The following CRACR2A variants were observed in gnomAD, a reference collection of about 807,000 sequenced individuals.
The protein encoded by CRACR2A is calcium release activated channel regulator 2A.
In CRACR2A, 79 loss-of-function variants were observed where a neutral mutation model predicts 90.5. The observed-to-expected ratio is 0.87, with a 90% CI of 0.73 to 1.05. The LOEUF is 1.05. CRACR2A is among the 50% of genes least tolerant of loss of function. The pLI, the probability that CRACR2A is intolerant of heterozygous loss-of-function variation, is 0.00. For synonymous variants in CRACR2A, 338 were observed against 356.7 expected (o/e 0.95, Z 0.59); for missense variants, 823 against 897.2 (o/e 0.92, Z 1.06).
In CRACR2A at chr12:3,679,012, A is replaced by G; in HGVS notation, c.427T>C (p.Ser143Pro). ...AQRHEEKVYL[S>P]RGDEDLGDMG... ...TCGCCCAGATCCTCATCCCCTCTGG[A>G]CAGATACACCTTCTCTTCATGGCGC... The change falls in exon 6 of 20, where the codon TCC becomes CCC. Residue 143 changes from serine (S) to proline (P), a missense_variant. Transcript: ENST00000440314. 6.2e-7 allele frequency: 1 copy of G among 1,614,050 alleles called. No individual in the cohort carries two copies. The highest frequency in any genetic ancestry group is 8.5e-7 in the Non-Finnish European group (1 of 1,179,990).
chr12:3,637,973 G>C, intron 14 of CRACR2A, 151 bp downstream of exon 14: 2 of 740,398 alleles, frequency 2.7e-6, no homozygotes, highest in Middle Eastern at 4.0e-4. Context: ...AGCTAAGCAG[G>C]GGAAAGTGGT....
intron 1 of CRACR2A, among the ~76,000 whole-genome samples, chr12:3,742,914 C>T (rs538412589): frequency 2.0e-5 from 3 of 152,232 alleles, no homozygotes; most frequent in East Asian, 1.9e-4. Flanking sequence ...GCTCTCTCTG[C>T]GCTTGTGTCT....
intron 4 of CRACR2A, among the ~76,000 whole-genome samples, chr12:3,687,305 A>G (rs1945575950): frequency 6.6e-6 from 1 of 151,828 alleles, no homozygotes; most frequent in African/African-American, 2.4e-5. Flanking sequence ...TATTAAGACT[A>G]GTACCCATTA....
intron 14 of CRACR2A, 30 bp downstream of exon 14, chr12:3,638,094 T>C (rs1195064227): frequency 1.3e-6 from 2 of 1,508,690 alleles, no homozygotes; most frequent in Admixed American, 2.1e-5. Context: ...AGAAGTGATG[T>C]GCATGAACCA....
chr12:3,744,043 T>C (rs953384581), intron 1 of CRACR2A, among the ~76,000 whole-genome samples: 1 of 152,168 alleles, frequency 6.6e-6, no homozygotes, highest in African/African-American at 2.4e-5. Context: ...AGAATCAAGC[T>C]GTGGTGAGAT....
chr12:3,731,975 T>A (rs1480940519), intron 2 of CRACR2A: 1 of 152,224 alleles, frequency 6.6e-6, no homozygotes, highest in African/African-American at 2.4e-5. Context: ...ACCTCTCGCC[T>A]CTAGAACTGG....
intron 11 of CRACR2A, chr12:3,647,809 T>C: frequency 1.0e-6 from 1 of 970,666 alleles, no homozygotes; most frequent in Non-Finnish European, 1.2e-6. Context: ...CCCAAAGTCC[T>C]TCTGTTTCCT....
chr12:3,638,165 A>C lies in CRACR2A; in HGVS notation c.1561T>G (p.Ser521Ala). 6.5e-7 allele frequency: 1 copy of C among 1,548,570 alleles called. No individual in the cohort carries two copies. Among genetic ancestry groups the C allele is most frequent in the Non-Finnish European group, 8.7e-7 (1 of 1,145,096 alleles). The change falls in exon 14 of 20, where the codon TCC becomes GCC. Residue 521 changes from serine to alanine, a missense_variant. By Grantham distance (99) the Ser-to-Ala change is moderately conservative. Coordinates refer to ENST00000440314, the MANE Select transcript of CRACR2A (RefSeq NM_001144958.2). Reference protein sequence around the residue: ...EAPPLKLTPTSPRGQPVGKEA... With the variant: ...EAPPLKLTPTAPRGQPVGKEA... ...TTTCCAACAGGCTGCCCTCGGGGGG[A>C]TGTGGGGGTGAGTTTCAAGGGTGGG...
At chr12:3,650,640 C>A (rs543395755) in intron 10 of CRACR2A, among the ~76,000 whole-genome samples, 1 of 152,280 alleles carries the variant, frequency 6.6e-6, no homozygotes, top group South Asian at 2.1e-4. Flanking sequence ...CCCCCCACCC[C>A]ACCCTGTGTC....
At chr12:3,632,745 G>A (rs990401032) in intron 15 of CRACR2A, among the ~76,000 whole-genome samples, 2 of 152,180 alleles carry the variant, frequency 1.3e-5, no homozygotes, top group African/African-American at 4.8e-5. Flanking sequence ...CAGGGTTGTC[G>A]TGGACATAGA....
At position 3,639,055 on chromosome 12, in the gene CRACR2A, T is replaced by C. The variant is rs929553464; in HGVS notation, c.1272-601A>G. Among the ~76,000 whole-genome samples, 13 of 152,086 alleles carry C rather than the reference T, an allele frequency of 8.5e-5. 1 individual carries two copies. The highest frequency in any genetic ancestry group is 3.1e-4 in the African/African-American group (13 of 41,416). On this transcript the variant is annotated intron_variant, in intron 13 of 19. Transcript: ENST00000440314. Reference sequence around the variant, plus strand: ...TAAAAACAGACATGTTTGCAAAACATCCTCAGCAGTGTGAGGGGTGCTGTT... The same window carrying C: ...TAAAAACAGACATGTTTGCAAAACACCCTCAGCAGTGTGAGGGGTGCTGTT...
At chr12:3,741,894 C>A (rs1565509877) in intron 1 of CRACR2A, among the ~76,000 whole-genome samples, 1 of 152,250 alleles carries the variant, frequency 6.6e-6, no homozygotes, top group Non-Finnish European at 1.5e-5. Flanking sequence ...AGTTCACAGG[C>A]TAACTGCCTG....
chr12:3,747,816 C>A (rs900124278), intron 1 of CRACR2A, among the ~76,000 whole-genome samples: 1 of 152,200 alleles, frequency 6.6e-6, no homozygotes, highest in East Asian at 1.9e-4. Flanking sequence ...ACGTGTGCTA[C>A]GTCTCACCCT....
At chr12:3,692,627 T>C (rs549665102) in intron 4 of CRACR2A, among the ~76,000 whole-genome samples, 4 of 152,302 alleles carry the variant, frequency 2.6e-5, no homozygotes, top group African/African-American at 9.6e-5. Flanking sequence ...TCTGTCCTTC[T>C]TTGTACGTGC....
chr12:3,631,406 T>G (rs1944372878), intron 15 of CRACR2A, among the ~76,000 whole-genome samples: 1 of 152,160 alleles, frequency 6.6e-6, no homozygotes, highest in African/African-American at 2.4e-5. Context: ...CACATGGCTC[T>G]GAGGCCTGCA....
At chr12:3,666,314 C>T (rs73047256) in intron 7 of CRACR2A, among the ~76,000 whole-genome samples, 2,422 of 135,120 alleles carry the variant, frequency 0.018, 27 homozygotes, top group Non-Finnish European at 0.028. Context: ...AAATGTCCCT[C>T]CCTAAAGGAC....
intron 4 of CRACR2A, among the ~76,000 whole-genome samples, chr12:3,686,505 C>T (rs1458407748): frequency 6.6e-6 from 1 of 152,078 alleles, no homozygotes; most frequent in East Asian, 1.9e-4. Flanking sequence ...TCCTTTTACT[C>T]CTCCAAAAAA....
At position 3,615,353 on chromosome 12, in the gene CRACR2A, T is replaced by C. The variant is rs1172540232; in HGVS notation, c.*2A>G. Reference sequence around the variant, plus strand: ...GCTGGGGGCAGTCCTTGTAGGACCCTATCAGCCACAGCAGGATTTCTTCTT... The same window carrying C: ...GCTGGGGGCAGTCCTTGTAGGACCCCATCAGCCACAGCAGGATTTCTTCTT... On this transcript the variant is annotated 3_prime_UTR_variant, in exon 20 of 20. Transcript: ENST00000440314. The C allele has an allele frequency of 6.4e-7, 1 of 1,551,376 alleles. No homozygotes were observed. The highest frequency in any genetic ancestry group is 1.4e-5 in the African/African-American group (1 of 73,036).
At chr12:3,712,029 AT>A (rs1272231957) in intron 3 of CRACR2A, among the ~76,000 whole-genome samples, 4 of 152,196 alleles carry the variant, frequency 2.6e-5, no homozygotes, top group Non-Finnish European at 5.9e-5. Flanking sequence ...CCCACTTGGT[AT>A]CTTAGCCAAC....
Sources: allele counts gnomAD v4.1 joint callset (sites outside exome capture counted in the v4.1 genomes callset), GRCh38; gene constraint gnomAD v4.1.1; transcripts MANE v1.5; gene names NCBI Gene and HGNC (gene_info 2026-07-23, HGNC 2026-07-21).